SEC61A2: variants seen among roughly 807,000 people sequenced by gnomAD.
The protein encoded by SEC61A2 is protein transport protein Sec61 subunit alpha isoform 2.
Under a neutral mutation model 59.9 loss-of-function variants are expected in SEC61A2, and 28 were observed. The ratio of observed to expected loss-of-function variants is 0.47; its 90% confidence interval spans 0.35 to 0.64. The LOEUF (loss-of-function observed/expected upper bound fraction) is 0.64. Ranked by LOEUF, SEC61A2 falls within the 30% of genes least tolerant of loss-of-function variation. The probability of loss-of-function intolerance (pLI) is 0.01; values close to 1 mark genes in which losing one functional copy is unlikely to be tolerated. For synonymous variants in SEC61A2, 202 were observed against 214.4 expected (o/e 0.94, Z 0.50); for missense variants, 340 against 585.9 (o/e 0.58, Z 4.33).
At chr10:12,146,770 A>G (rs1025762225) in intron 4 of SEC61A2, among the ~76,000 whole-genome samples, 4 of 151,630 alleles carry the variant, frequency 2.6e-5, no homozygotes, top group Admixed American at 1.3e-4. Flanking sequence ...CGCCCGCCTC[A>G]GCCTCCCAAA....
downstream of SEC61A2, chr10:12,165,937 A>G (rs1010874407): frequency 6.6e-6 from 1 of 152,234 alleles, no homozygotes; most frequent in African/African-American, 2.4e-5. Context: ...AAGAAGGTGG[A>G]AATATGGCTT....
Position 12,142,173 on chromosome 10 carries a change from C to A in SEC61A2, c.142-944C>A, listed in dbSNP as rs938132392. Among the ~76,000 whole-genome samples, 3 of 152,124 alleles carry A rather than the reference C, an allele frequency of 2.0e-5. No individual in the cohort carries two copies. Among genetic ancestry groups the A allele is most frequent in the Admixed American group, 6.6e-5 (1 of 15,258 alleles). On this transcript the variant is annotated intron_variant, in intron 3 of 11. Coordinates refer to ENST00000298428, the MANE Select transcript of SEC61A2 (RefSeq NM_018144.4). This position sits in a 1 kb window ranked among gnomAD's most constrained non-coding sequence, Gnocchi z 5.4. Reference sequence around the variant, plus strand: ...CTCAGGGCAGGATTTATGGCGAGTACATGTTCTTACACTAAGGACTGTAAA... The same window carrying A: ...CTCAGGGCAGGATTTATGGCGAGTAAATGTTCTTACACTAAGGACTGTAAA...
chr10:12,165,303 G>T lies in SEC61A2; in HGVS notation c.*849G>T. On this transcript the variant is annotated 3_prime_UTR_variant, in exon 12 of 12. Coordinates refer to ENST00000298428, the MANE Select transcript of SEC61A2 (RefSeq NM_018144.4). ...TTCATGCTAGGAATTTGTGTCTGTT[G>T]TTGTACTCACAGCAGCAACATGAGT... 1 of 985,306 alleles carries T rather than the reference G, an allele frequency of 1.0e-6. No individual in the cohort carries two copies. The highest frequency in any genetic ancestry group is 1.2e-6 in the Non-Finnish European group (1 of 829,834). The allele number at this position is 985,306 out of a possible 1,614,324, so 61.0% of individuals were successfully genotyped here.
intron 2 of SEC61A2, among the ~76,000 whole-genome samples, chr10:12,135,903 G>A (rs980984731): frequency 3.3e-5 from 5 of 152,124 alleles, no homozygotes; most frequent in South Asian, 2.1e-4. Context: ...ATATGTGTGC[G>A]TGTGTGTATA....
rs372223231 is a variant in SEC61A2, at chr10:12,164,433, G to A, written c.1410G>A (p.Gly470=). ...IFVKEQAEVG[G]MGALFF ...TTAAAGAACAGGCCGAAGTTGGTGGGATGGGTGCTTTGTTTTTCTAAATGT... is the reference window on the plus strand; with the variant it reads ...TTAAAGAACAGGCCGAAGTTGGTGGAATGGGTGCTTTGTTTTTCTAAATGT... The change falls in exon 12 of 12, where the codon GGG becomes GGA. Residue 470 remains glycine, a synonymous_variant. Transcript: ENST00000298428. The surrounding 1 kb of genome is among the most constrained non-coding windows in gnomAD (Gnocchi z 7.3). 2.5e-6 allele frequency: 4 copies of A among 1,611,974 alleles called. No individual in the cohort carries two copies. In the African/African-American group the frequency reaches 5.4e-5, roughly 22 times the overall value.
downstream of SEC61A2, among the ~76,000 whole-genome samples, chr10:12,168,494 C>T (rs769838259): frequency 3.9e-5 from 6 of 152,230 alleles, no homozygotes; most frequent in South Asian, 2.1e-4. This position sits in a 1 kb window ranked among gnomAD's most constrained non-coding sequence, Gnocchi z 4.8. Flanking sequence ...TATGTTCCCC[C>T]GGCAAGTTAA....
At chr10:12,168,005 G>A (rs1834749241), downstream of SEC61A2, 8 of 1,047,370 alleles carry the variant, frequency 7.6e-6, no homozygotes, top group South Asian at 4.0e-5. The surrounding 1 kb of genome is among the most constrained non-coding windows in gnomAD (Gnocchi z 4.8). Flanking sequence ...CCTAGCATGA[G>A]ACAAGAACAT....
At chr10:12,132,354 C>T (rs990700640) in intron 1 of SEC61A2, among the ~76,000 whole-genome samples, 2 of 151,916 alleles carry the variant, frequency 1.3e-5, no homozygotes, top group Non-Finnish European at 2.9e-5. Flanking sequence ...TGGTTCATGC[C>T]TGTAATCCCA....
At position 12,155,530 on chromosome 10, in the gene SEC61A2, GTAAA is replaced by G. The variant is rs1232570652; in HGVS notation, c.463-245_463-242del. The G allele has an allele frequency of 4.4e-6, 3 of 682,636 alleles. No homozygotes were observed. The highest frequency in any genetic ancestry group is 1.8e-5 in the African/African-American group (1 of 55,270). The allele number at this position is 682,636 out of a possible 1,614,324, so 42.3% of individuals were successfully genotyped here. A position where few individuals can be genotyped will look rare whatever the true frequency, so the allele number is the denominator to read the frequency against. On this transcript the variant is annotated intron_variant, in intron 6 of 11. Coordinates refer to ENST00000298428, the MANE Select transcript of SEC61A2 (RefSeq NM_018144.4). The surrounding 1 kb of genome is among the most constrained non-coding windows in gnomAD (Gnocchi z 4.3). The stretch of plus-strand genomic sequence containing the variant: ...TGCAAAAGAAACTATTCAGATAAGT[GTAAA>G]TAGACTTTAAAAGTTGAAATGTCTG...
chr10:12,166,835 A>G (rs1308319531), downstream of SEC61A2: 1 of 453,386 alleles, frequency 2.2e-6, no homozygotes, highest in African/African-American at 2.0e-5. Flanking sequence ...ACAGGGTTTC[A>G]GGCATGGGAA....
Position 12,153,830 on chromosome 10 carries a change from G to A in SEC61A2, c.463-1948G>A. The stretch of plus-strand genomic sequence containing the variant: ...GAAACATAGGTTTTGAAAACTGTTT[G>A]CATGCCGTTGTGGAAGGTATTTCTC... On this transcript the variant is annotated intron_variant, in intron 6 of 11. Coordinates refer to ENST00000298428, the MANE Select transcript of SEC61A2 (RefSeq NM_018144.4). This position sits in a 1 kb window ranked among gnomAD's most constrained non-coding sequence, Gnocchi z 5.2. 6.3e-7 allele frequency: 1 copy of A among 1,588,154 alleles called. No individual in the cohort carries two copies.
At chr10:12,157,810 T>C in intron 8 of SEC61A2, 98 bp from the exon 9 acceptor site, 1 of 1,182,658 alleles carries the variant, frequency 8.5e-7, no homozygotes, top group Non-Finnish European at 1.2e-6. Flanking sequence ...CGGCATTGTC[T>C]TTTCATCCCC....
rs549852550 is a variant in SEC61A2 at position 12,137,159 on chromosome 10, G to A, written c.141+989G>A. The stretch of plus-strand genomic sequence containing the variant: ...AGGCTCAGGTGATGCTCCTGCCTCA[G>A]CCTCCCTAGTAGGTAGGACTGCAGG... On this transcript the variant is annotated intron_variant, in intron 3 of 11. Coordinates refer to ENST00000298428, the MANE Select transcript of SEC61A2 (RefSeq NM_018144.4). 6.6e-5 allele frequency among the ~76,000 whole-genome samples: 10 copies of A among 151,894 alleles called. No homozygotes were observed. The South Asian group carries it at 2.1e-3, about 32-fold the overall frequency.
chr10:12,149,764 T>A lies in SEC61A2; in HGVS notation c.352+38T>A. 1 of 1,606,530 alleles carries A rather than the reference T, an allele frequency of 6.2e-7. No homozygotes were observed. Among genetic ancestry groups the A allele is most frequent in the Non-Finnish European group, 8.5e-7 (1 of 1,175,834 alleles). On this transcript the variant is annotated intron_variant, in intron 5 of 11. Transcript: ENST00000298428. The surrounding 1 kb of genome is among the most constrained non-coding windows in gnomAD (Gnocchi z 5.2). ...GCAATTAAAGAGCATTCTCCAAATT[T>A]GAGAGTGCTCGTGGTAAAGATGTTT... is the stretch of plus-strand genomic sequence containing the variant.
chr10:12,130,104 AT>A (rs1357334592), intron 1 of SEC61A2, among the ~76,000 whole-genome samples: 4 of 151,826 alleles, frequency 2.6e-5, no homozygotes, highest in African/African-American at 7.3e-5. Flanking sequence ...CCACTTTTTA[AT>A]TTTTCAGGAG....
chr10:12,158,189 A>G lies in SEC61A2; in HGVS notation c.975+84A>G. ...GTATTTTTAATGGAATGAGGTCGAC[A>G]TTGGAGCATTTGCTGTATTTTCAGA... On this transcript the variant is annotated intron_variant, in intron 9 of 11. Transcript: ENST00000298428. The surrounding 1 kb of genome is among the most constrained non-coding windows in gnomAD (Gnocchi z 5.7). The G allele has an allele frequency of 9.4e-7, 1 of 1,064,842 alleles. No homozygotes were observed. The highest frequency in any genetic ancestry group is 1.4e-6 in the Non-Finnish European group (1 of 721,382). The allele number at this position is 1,064,842 out of a possible 1,614,324, so 66.0% of individuals were successfully genotyped here. A position where few individuals can be genotyped will look rare whatever the true frequency, so the allele number is the denominator to read the frequency against.
chr10:12,164,590 A>G lies in SEC61A2; in HGVS notation c.*136A>G. ...GAGTGCTGACTGACCCGTTTCTGAAATGGGCACCGAGCTAAGTCTGTGTGC... is the reference window on the plus strand; with the variant it reads ...GAGTGCTGACTGACCCGTTTCTGAAGTGGGCACCGAGCTAAGTCTGTGTGC... On this transcript the variant is annotated 3_prime_UTR_variant, in exon 12 of 12. Coordinates refer to ENST00000298428, the MANE Select transcript of SEC61A2 (RefSeq NM_018144.4). The surrounding 1 kb of genome is among the most constrained non-coding windows in gnomAD (Gnocchi z 7.3). The G allele has an allele frequency of 2.7e-6, 4 of 1,456,854 alleles. No individual in the cohort carries two copies. The highest frequency in any genetic ancestry group is 3.6e-6 in the Non-Finnish European group (4 of 1,110,520). 90.2% of individuals were successfully genotyped at this position (1,456,854 alleles called of 1,614,324 possible). A position where few individuals can be genotyped will look rare whatever the true frequency, so the allele number is the denominator to read the frequency against.
In SEC61A2 at chr10:12,143,161, C is replaced by T; in HGVS notation, c.186C>T (p.Phe62=). The T allele has an allele frequency of 1.2e-6, 2 of 1,613,396 alleles. No homozygotes were observed. Among genetic ancestry groups the T allele is most frequent in the South Asian group, 2.2e-5 (2 of 91,064 alleles). Residue 62 remains phenylalanine, a synonymous_variant, in exon 4 of 12, where the codon TTC becomes TTT. Transcript: ENST00000298428. This position sits in a 1 kb window ranked among gnomAD's most constrained non-coding sequence, Gnocchi z 4.8. ...TGTCATCAGATTCTGCAGATCCTTT[C>T]TACTGGATGAGAGTTATTCTGGCTT... The part of the protein sequence containing the change: ...GIMSSDSADP[F]YWMRVILASN...
chr10:12,155,695 G>C lies in SEC61A2; in HGVS notation c.463-83G>C, dbSNP rs1834381821. On this transcript the variant is annotated intron_variant, in intron 6 of 11. Transcript: ENST00000298428. This position sits in a 1 kb window ranked among gnomAD's most constrained non-coding sequence, Gnocchi z 4.3. ...GGCCTTAATATTCAAAACGCCCCTA[G>C]CTTGGAAATAGCCAATGGTGTTCCT... 1 of 1,518,922 alleles carries C rather than the reference G, an allele frequency of 6.6e-7. No individual in the cohort carries two copies. Among genetic ancestry groups the C allele is most frequent in the Non-Finnish European group, 9.1e-7 (1 of 1,101,316 alleles). 94.1% of individuals were successfully genotyped at this position (1,518,922 alleles called of 1,614,324 possible).
Sources: gnomAD v4.1 joint callset for allele counts (sites outside exome capture counted in the v4.1 genomes callset) on GRCh38, gnomAD v4.1.1 for gene constraint, Gnocchi (gnomAD v3.1) non-coding constraint, MANE v1.5 for transcripts, NCBI Gene and HGNC (gene_info 2026-07-23, HGNC 2026-07-21) for gene names.